The following UGGT1 variants were observed in gnomAD, a reference collection of about 807,000 sequenced individuals.
UGGT1 encodes the protein UDP-glucose glycoprotein glucosyltransferase 1, also known as UDP-glucose:glycoprotein glucosyltransferase 1.
A neutral mutation model predicts 203.9 loss-of-function variants in UGGT1; 107 were observed. That is an observed-to-expected ratio of 0.52 (90% confidence interval 0.45 to 0.62). The LOEUF (loss-of-function observed/expected upper bound fraction) is 0.62, where lower values mean the gene tolerates loss of function less well. Among genes scored for constraint, UGGT1 ranks in the 20% least tolerant of loss-of-function variants. The pLI, the probability that UGGT1 is intolerant of heterozygous loss-of-function variation, is 0.00. For synonymous variants in UGGT1, 628 were observed against 653.5 expected (o/e 0.96, Z 0.59); for missense variants, 1,673 against 1,867.2 (o/e 0.90, Z 1.92).
At chr2:128,110,566 A>G (rs560619028) in intron 5 of UGGT1, among the ~76,000 whole-genome samples, 1 of 152,336 alleles carries the variant, frequency 6.6e-6, no homozygotes, top group Non-Finnish European at 1.5e-5. Flanking sequence ...GGGAAACAAA[A>G]TTGATGGCTT....
intron 11 of UGGT1, 106 bp from the exon 12 acceptor site, chr2:128,127,255 C>A: frequency 1.4e-6 from 1 of 737,982 alleles, no homozygotes; most frequent in Non-Finnish European, 2.3e-6. Flanking sequence ...AATCTTAGCC[C>A]TGCCTTAGGA....
chr2:128,127,145 T>C (rs1194953315), intron 11 of UGGT1, among the ~76,000 whole-genome samples: 1 of 152,162 alleles, frequency 6.6e-6, no homozygotes, highest in African/African-American at 2.4e-5. Flanking sequence ...AAGTAAAAAT[T>C]GCATATTTTT....
In UGGT1 at chr2:128,105,989, C is replaced by A. The variant is rs76181808; in HGVS notation, c.278-1949C>A. Among the ~76,000 whole-genome samples the A allele has an allele frequency of 1.2e-3, 178 of 152,184 alleles. 1 individual carries two copies. In the East Asian group the frequency reaches 0.032, roughly 27 times the overall value. On this transcript the variant is annotated intron_variant, in intron 3 of 40. Coordinates refer to ENST00000259253, the MANE Select transcript of UGGT1 (RefSeq NM_020120.4). ...ATTTTTAAATTTTGTAAAGATGGGT[C>A]TAGCTGTGTTGCACATGCTGGTCTC...
At chr2:128,129,511 G>T (rs888147135) in intron 13 of UGGT1, among the ~76,000 whole-genome samples, 16 of 150,742 alleles carry the variant, frequency 1.1e-4, no homozygotes, top group Non-Finnish European at 2.9e-5. Context: ...CAATTCTCCT[G>T]CCTCAGCCTC....
At chr2:128,146,628 A>G (rs1219929959) in intron 18 of UGGT1, among the ~76,000 whole-genome samples, 1 of 152,076 alleles carries the variant, frequency 6.6e-6, no homozygotes, top group Non-Finnish European at 1.5e-5. Context: ...TTTGAACGGT[A>G]CAATTCAGTA....
chr2:128,097,682 C>T, intron 2 of UGGT1, 118 bp downstream of exon 2: 1 of 1,312,052 alleles, frequency 7.6e-7, no homozygotes, highest in Non-Finnish European at 1.0e-6. Flanking sequence ...TGAAGAGCCT[C>T]TTTCAGTGTA....
chr2:128,109,486 T>A, intron 4 of UGGT1, 148 bp from the exon 5 acceptor site: 1 of 652,170 alleles, frequency 1.5e-6, no homozygotes, highest in Non-Finnish European at 2.7e-6. Flanking sequence ...TCTCCCAAAG[T>A]GCTGGGATTA....
At chr2:128,176,464 A>G (rs934907627) in intron 31 of UGGT1, among the ~76,000 whole-genome samples, 2 of 150,146 alleles carry the variant, frequency 1.3e-5, no homozygotes, top group Non-Finnish European at 3.0e-5. Flanking sequence ...ATAATGGTTC[A>G]GGGGGCCTGT....
intron 18 of UGGT1, among the ~76,000 whole-genome samples, chr2:128,146,839 A>G (rs907586069): frequency 6.6e-6 from 1 of 152,212 alleles, no homozygotes; most frequent in African/African-American, 2.4e-5. Context: ...GACGTTGTAT[A>G]CAAATCAAAT....
intron 9 of UGGT1, among the ~76,000 whole-genome samples, 165 bp downstream of exon 9, chr2:128,120,621 TC>T (rs1248103554): frequency 6.6e-6 from 1 of 152,144 alleles, no homozygotes; most frequent in African/African-American, 2.4e-5. Context: ...AGAAAGGAAG[TC>T]CTTTTGTAAA....
chr2:128,092,499 A>C (rs895862072), intron 1 of UGGT1, among the ~76,000 whole-genome samples: 11 of 151,734 alleles, frequency 7.2e-5, no homozygotes, highest in Admixed American at 2.6e-4. Flanking sequence ...AAGTAAGAAG[A>C]AAATTTGCTT....
intron 18 of UGGT1, among the ~76,000 whole-genome samples, chr2:128,150,689 A>G (rs535785284): frequency 2.3e-5 from 2 of 87,566 alleles, no homozygotes; most frequent in Non-Finnish European, 2.4e-5. Context: ...TTTTTTACAA[A>G]TGTTTATTCT....
At chr2:128,142,746 A>G (rs1356121676) in intron 16 of UGGT1, among the ~76,000 whole-genome samples, 4 of 151,792 alleles carry the variant, frequency 2.6e-5, no homozygotes, top group Admixed American at 1.3e-4. Context: ...ACTTTGGGAG[A>G]CTGAGGCGGG....
At position 128,177,845 on chromosome 2, in the gene UGGT1, C is replaced by T; in HGVS notation, c.3638C>T (p.Ala1213Val). 6.3e-7 allele frequency: 1 copy of T among 1,599,562 alleles called. No homozygotes were observed. The highest frequency in any genetic ancestry group is 8.5e-7 in the Non-Finnish European group (1 of 1,173,660). ...ATTTGATTGCAGGTTCAGAAGAAGG[C>T]AGATATGGTGAACGAAGACTTGCTG... ...KIIKVKVQKK[A>V]DMVNEDLLSD... The change falls in exon 33 of 41, where the codon GCA becomes GTA. Residue 1213 changes from alanine (A) to valine (V), a missense_variant. Ala to Val is a moderately conservative substitution (Grantham distance 64, BLOSUM62 0). This residue lies in a region of UGGT1 where 513 missense variants were observed against 684.1 expected (regional missense o/e 0.75). Transcript: ENST00000259253.
intron 16 of UGGT1, among the ~76,000 whole-genome samples, chr2:128,142,143 C>T (rs1689460079): frequency 1.3e-5 from 2 of 151,852 alleles, no homozygotes; most frequent in Admixed American, 1.3e-4. Flanking sequence ...AGCATGTTGG[C>T]CAGGCTGTTC....
At chr2:128,099,923 G>C (rs1034771695) in intron 2 of UGGT1, among the ~76,000 whole-genome samples, 46 of 151,940 alleles carry the variant, frequency 3.0e-4, no homozygotes, top group Admixed American at 2.4e-3. Flanking sequence ...TGGACTGCCT[G>C]AGCTGGACTC....
intron 33 of UGGT1, 25 bp from the exon 34 acceptor site, chr2:128,178,443 C>CT (rs774342813): frequency 4.0e-5 from 63 of 1,574,844 alleles, no homozygotes; most frequent in Admixed American, 5.5e-5. Context: ...TTCAAGTGGT[C>CT]TTTTTTTTAC....
chr2:128,113,037 T>C, intron 5 of UGGT1, 47 bp from the exon 6 acceptor site: 1 of 1,436,810 alleles, frequency 7.0e-7, no homozygotes, highest in South Asian at 1.6e-5. Flanking sequence ...ATTTTTAGTG[T>C]TTCACAATTA....
chr2:128,115,300 A>C, intron 7 of UGGT1, 80 bp downstream of exon 7: 1 of 1,296,370 alleles, frequency 7.7e-7, no homozygotes, highest in Non-Finnish European at 1.1e-6. Context: ...GAAAAATAAT[A>C]GATTTAGGTG....
Sources: allele counts gnomAD v4.1 joint callset (sites outside exome capture counted in the v4.1 genomes callset), GRCh38; gene constraint gnomAD v4.1.1; regional missense constraint gnomAD v4.1.1; transcripts MANE v1.5; gene names NCBI Gene and HGNC (gene_info 2026-07-23, HGNC 2026-07-21).